RNF13: variants seen among roughly 807,000 people sequenced by gnomAD.
RNF13 encodes ring finger protein 13.
RNF13 carries 19 observed loss-of-function variants against 37.7 expected under a neutral mutation model. That is an observed-to-expected ratio of 0.50 (90% confidence interval 0.35 to 0.74). The LOEUF is 0.74. RNF13 is among the 30% of genes least tolerant of loss of function. The probability of loss-of-function intolerance (pLI) is 0.01; values close to 1 mark genes in which losing one functional copy is unlikely to be tolerated. For missense variants in RNF13, 375 were observed against 453.0 expected, an observed-to-expected ratio of 0.83 and a Z score of 1.56; for synonymous variants, 144 against 157.8, an observed-to-expected ratio of 0.91 and a Z score of 0.65.
chr3:149,846,222 A>G (rs923208067), intron 2 of RNF13, 82 bp downstream of exon 2: 1 of 864,820 alleles, frequency 1.2e-6, no homozygotes, highest in African/African-American at 1.7e-5. Context: ...TATTTATAAG[A>G]CATTGTTATA....
chr3:149,874,238 A>G (rs1712430032), intron 4 of RNF13, among the ~76,000 whole-genome samples: 1 of 152,116 alleles, frequency 6.6e-6, no homozygotes, highest in Admixed American at 6.5e-5. Context: ...GTCATTCCTA[A>G]TGATTTCTGT....
At chr3:149,918,071 T>C (rs1717727729) in intron 7 of RNF13, among the ~76,000 whole-genome samples, 1 of 152,152 alleles carries the variant, frequency 6.6e-6, no homozygotes, top group Admixed American at 6.6e-5. Context: ...GGTAGCCAAA[T>C]TTAAAAGGTT....
Position 149,919,836 on chromosome 3 carries a change from T to C in RNF13, c.607-1298T>C, listed in dbSNP as rs112176526. On this transcript the variant is annotated intron_variant, in intron 7 of 9. Coordinates refer to ENST00000392894, the MANE Select transcript of RNF13 (RefSeq NM_183381.3). ...ATTGCCAAGCTCTTTTCCAAAGTGG[T>C]TGTACCATTTTACAATCCCACCAGA... Among the ~76,000 whole-genome samples, 798 of 152,320 alleles carry C rather than the reference T, an allele frequency of 5.2e-3. 6 individuals carry two copies. The highest frequency in any genetic ancestry group is 0.017 in the African/African-American group (727 of 41,570).
intron 4 of RNF13, among the ~76,000 whole-genome samples, chr3:149,887,744 C>T (rs895615814): frequency 4.6e-5 from 7 of 152,190 alleles, no homozygotes; most frequent in African/African-American, 1.7e-4. Context: ...CTCCCACCAC[C>T]TTATTGCATT....
intron 7 of RNF13, among the ~76,000 whole-genome samples, chr3:149,915,793 A>G (rs1309580481): frequency 6.6e-6 from 1 of 152,170 alleles, no homozygotes; most frequent in African/African-American, 2.4e-5. Flanking sequence ...GGAGTAGCCA[A>G]ATTCATAGAG....
intron 4 of RNF13, among the ~76,000 whole-genome samples, chr3:149,887,675 A>G (rs1576825212): frequency 6.6e-6 from 1 of 152,152 alleles, no homozygotes; most frequent in East Asian, 1.9e-4. Context: ...TTAGTTTTTC[A>G]TTTCTTCATC....
At chr3:149,906,645 C>CT (rs35801459) in intron 6 of RNF13, among the ~76,000 whole-genome samples, 44,803 of 79,516 alleles carry the variant, frequency 0.56, 10,716 homozygotes, top group East Asian at 0.7. Flanking sequence ...TTCAATTCTG[C>CT]TTTTTTTTTT....
At chr3:149,835,291 A>T (rs998211480) in intron 1 of RNF13, among the ~76,000 whole-genome samples, 15 of 152,120 alleles carry the variant, frequency 9.9e-5, no homozygotes, top group African/African-American at 3.6e-4. Context: ...ATATATAGAG[A>T]ATTTAAAAAA....
chr3:149,865,343 T>TATATATATATATATATATATA (rs939468937), intron 3 of RNF13, among the ~76,000 whole-genome samples: 7 of 147,056 alleles, frequency 4.8e-5, no homozygotes, highest in South Asian at 2.1e-4. Context: ...TATATATATA[T>TATATATATATATATATATATA]ATATATATGT....
intron 7 of RNF13, among the ~76,000 whole-genome samples, chr3:149,913,511 C>G (rs1347463029): frequency 1.3e-5 from 2 of 152,170 alleles, no homozygotes; most frequent in East Asian, 3.8e-4. Flanking sequence ...CTAAACTCCA[C>G]ATTTTGGATT....
chr3:149,817,250 AT>A (rs1251349342), intron 1 of RNF13: 1 of 152,230 alleles, frequency 6.6e-6, no homozygotes, highest in Non-Finnish European at 1.5e-5. Context: ...ACAAGTACAG[AT>A]TTCTCAATGA....
At chr3:149,849,634 G>A (rs1371911990) in intron 2 of RNF13, among the ~76,000 whole-genome samples, 1 of 152,146 alleles carries the variant, frequency 6.6e-6, no homozygotes, top group Non-Finnish European at 1.5e-5. Flanking sequence ...AGACTGCCTC[G>A]GTTAGAATCC....
intron 5 of RNF13, 76 bp downstream of exon 5, chr3:149,895,636 C>G (rs770515201): frequency 5.0e-6 from 5 of 1,004,612 alleles, no homozygotes; most frequent in East Asian, 2.6e-5. Flanking sequence ...GATTTTCCTT[C>G]TCTCATTTTC....
In RNF13 at chr3:149,892,132, T is replaced by C. The variant is rs186229705; in HGVS notation, c.322-3341T>C. The stretch of plus-strand genomic sequence containing the variant: ...ATCTATTTTTTGGAGATCACACTTA[T>C]GCCTACAGAATTTCTTCCCATTTTA... On this transcript the variant is annotated intron_variant, in intron 4 of 9. Coordinates refer to ENST00000392894, the MANE Select transcript of RNF13 (RefSeq NM_183381.3). 2.2e-3 allele frequency among the ~76,000 whole-genome samples: 336 copies of C among 152,350 alleles called. 5 individuals are homozygous for C. Among genetic ancestry groups the C allele is most frequent in the Non-Finnish European group, 7.9e-4 (54 of 68,034 alleles).
intron 8 of RNF13, among the ~76,000 whole-genome samples, chr3:149,949,018 A>C (rs1233882458): frequency 1.3e-5 from 2 of 151,746 alleles, no homozygotes; most frequent in African/African-American, 2.4e-5. Context: ...ACAGAGCCAG[A>C]CCCTGTCTAG....
At chr3:149,949,331 G>T (rs1409859622) in intron 8 of RNF13, among the ~76,000 whole-genome samples, 1 of 151,656 alleles carries the variant, frequency 6.6e-6, no homozygotes, top group African/African-American at 2.4e-5. Context: ...GATTGGCACC[G>T]CTTTTCTTTC....
At chr3:149,860,256 T>TAAAAAAAAAAA (rs764889596) in intron 3 of RNF13, among the ~76,000 whole-genome samples, 1 of 57,810 alleles carries the variant, frequency 1.7e-5, no homozygotes, top group Non-Finnish European at 3.3e-5. Flanking sequence ...AGACTCCATC[T>TAAAAAAAAAAA]AAAAAAAAAA....
At chr3:149,903,996 T>C (rs1012270546) in intron 6 of RNF13, among the ~76,000 whole-genome samples, 2 of 152,072 alleles carry the variant, frequency 1.3e-5, no homozygotes, top group African/African-American at 4.8e-5. Context: ...CCTACCTACC[T>C]ATACCTATCA....
chr3:149,948,873 C>T (rs1721032475), intron 8 of RNF13, among the ~76,000 whole-genome samples: 1 of 151,972 alleles, frequency 6.6e-6, no homozygotes, highest in Admixed American at 6.6e-5. Context: ...CAAAAAAACA[C>T]AAAAATTAGC....
Sources: allele counts gnomAD v4.1 joint callset (sites outside exome capture counted in the v4.1 genomes callset), GRCh38; gene constraint gnomAD v4.1.1; transcripts MANE v1.5; gene names NCBI Gene and HGNC (gene_info 2026-07-23, HGNC 2026-07-21).